Variants in MCM2 observed in about 807,000 individuals in gnomAD.
The protein encoded by MCM2 is minichromosome maintenance complex component 2.
A neutral mutation model predicts 86.4 loss-of-function variants in MCM2; 49 were observed. The observed-to-expected ratio is 0.57, with a 90% CI of 0.45 to 0.72. MCM2 has a LOEUF of 0.72. MCM2 is among the 30% of genes least tolerant of loss of function. The probability of loss-of-function intolerance (pLI) is 0.00; values close to 1 mark genes in which losing one functional copy is unlikely to be tolerated. For synonymous variants in MCM2, 475 were observed against 484.6 expected (o/e 0.98, Z 0.26); for missense variants, 1,038 against 1,259.9 (o/e 0.82, Z 2.67).
Position 127,619,036 on chromosome 3 carries a change from C to T in MCM2, c.2023C>T (p.Leu675=). The change falls in exon 13 of 16, where the codon CTG becomes TTG. Residue 675 remains leucine (L), a synonymous_variant. Transcript: ENST00000265056. ...DTVDPVQDEM[L]ARFVVGSHVR... ...TCATGGCTTATCTTAGGACGAGATG[C>T]TGGCCCGCTTCGTGGTGGGCAGCCA... 6.3e-7 allele frequency: 1 copy of T among 1,599,240 alleles called. No homozygotes were observed. The highest frequency in any genetic ancestry group is 8.5e-7 in the Non-Finnish European group (1 of 1,170,370).
Position 127,617,910 on chromosome 3 carries a change from TC to T in MCM2, c.1901-56del. Reference sequence around the variant, plus strand: ...CTTCTGCCATCAGAGCAGCCTGGGGTCCCTGAGATGGGAGGATAGGGGAATC... The same window carrying T: ...CTTCTGCCATCAGAGCAGCCTGGGGTCCTGAGATGGGAGGATAGGGGAATC... On this transcript the variant is annotated intron_variant, in intron 11 of 15. Transcript: ENST00000265056. The surrounding 1 kb of genome is among the most constrained non-coding windows in gnomAD (Gnocchi z 4.1). 1 of 1,321,562 alleles carries T rather than the reference TC, an allele frequency of 7.6e-7. No individual in the cohort carries two copies. The highest frequency in any genetic ancestry group is 1.2e-5 in the South Asian group (1 of 81,390). The allele number at this position is 1,321,562 out of a possible 1,614,324, so 81.9% of individuals were successfully genotyped here.
intron 15 of MCM2, 53 bp from the exon 16 acceptor site, chr3:127,621,610 A>C: frequency 8.2e-7 from 1 of 1,220,324 alleles, no homozygotes; most frequent in Non-Finnish European, 1.2e-6. Context: ...GGCGCTCTGG[A>C]AACAGCCTGT....
At chr3:127,604,177 C>T (rs933424071) in intron 2 of MCM2, 1 of 169,098 alleles carries the variant, frequency 5.9e-6, no homozygotes, top group African/African-American at 2.4e-5. Context: ...CCACAAAAGT[C>T]TTTTCAGTTT....
At chr3:127,604,865 C>A in intron 3 of MCM2, 31 bp from the exon 4 acceptor site, 1 of 1,590,150 alleles carries the variant, frequency 6.3e-7, no homozygotes, top group Non-Finnish European at 8.6e-7. Context: ...CTGGGGATGA[C>A]CGCAGTAGCA....
At chr3:127,605,914 TGA>T (rs945433004) in intron 4 of MCM2, among the ~76,000 whole-genome samples, 3 of 152,228 alleles carry the variant, frequency 2.0e-5, no homozygotes, top group Non-Finnish European at 2.9e-5. Flanking sequence ...GTACACTGTG[TGA>T]CATGCCCATT....
At chr3:127,603,413 C>G (rs1234011431) in intron 2 of MCM2, among the ~76,000 whole-genome samples, 1 of 152,154 alleles carries the variant, frequency 6.6e-6, no homozygotes, top group Non-Finnish European at 1.5e-5. Flanking sequence ...ACCTCTGCCT[C>G]CCTGGTTCAA....
At chr3:127,615,089 C>T (rs1417143191) in intron 8 of MCM2, among the ~76,000 whole-genome samples, 2 of 152,178 alleles carry the variant, frequency 1.3e-5, no homozygotes, top group Admixed American at 1.3e-4. Flanking sequence ...GCTGGTTTTC[C>T]TGCCTTAGTC....
chr3:127,606,926 GC>G lies in MCM2; in HGVS notation c.1101+110del. The stretch of plus-strand genomic sequence containing the variant: ...AGACCAGTGTGGGCAGCCGCAAGAA[GC>G]AAGATAGAATTGTGTGTTGGCCACA... On this transcript the variant is annotated intron_variant, in intron 6 of 15. Coordinates refer to ENST00000265056, the MANE Select transcript of MCM2 (RefSeq NM_004526.4). The surrounding 1 kb of genome is among the most constrained non-coding windows in gnomAD (Gnocchi z 4.2). 9.1e-7 allele frequency: 1 copy of G among 1,099,444 alleles called. No homozygotes were observed. Among genetic ancestry groups the G allele is most frequent in the East Asian group, 2.5e-5 (1 of 40,392 alleles). The allele number at this position is 1,099,444 out of a possible 1,614,324, so 68.1% of individuals were successfully genotyped here.
At chr3:127,614,035 G>T (rs1320701062) in intron 8 of MCM2, among the ~76,000 whole-genome samples, 1 of 152,128 alleles carries the variant, frequency 6.6e-6, no homozygotes, top group East Asian at 1.9e-4. Context: ...CCCCTTAAAG[G>T]TCCCACCTTT....
intron 8 of MCM2, among the ~76,000 whole-genome samples, chr3:127,610,573 C>G (rs2074386894): frequency 6.6e-6 from 1 of 152,182 alleles, no homozygotes; most frequent in Non-Finnish European, 1.5e-5. Context: ...AATATTCCTA[C>G]ACATGCATGG....
In MCM2 at chr3:127,604,746, C is replaced by T. The variant is rs1030281637; in HGVS notation, c.375C>T (p.Gly125=). The change falls in exon 3 of 16, where the codon GGC becomes GGT. Residue 125 remains glycine, a synonymous_variant. Transcript: ENST00000265056. ...RAMRQRDREA[G]RGLGRMRRGL... is the part of the protein sequence containing the mutation. ...TGCGGCAGCGTGACCGGGAGGCTGG[C>T]CGGGGCCTGGGCCGCATGCGCCGTG... 9.3e-6 allele frequency: 15 copies of T among 1,606,584 alleles called. No homozygotes were observed. Among genetic ancestry groups the T allele is most frequent in the African/African-American group, 1.3e-5 (1 of 74,752 alleles).
Position 127,617,437 on chromosome 3 carries a change from G to T in MCM2, c.1900+32G>T. 1.9e-6 allele frequency: 3 copies of T among 1,604,534 alleles called. No homozygotes were observed. The highest frequency in any genetic ancestry group is 2.6e-6 in the Non-Finnish European group (3 of 1,175,984). ...CAGGCACCCTGACTGCTGGGGCTGG[G>T]GTGGGACACAGGGAGGTCCCGCCTG... On this transcript the variant is annotated intron_variant, in intron 11 of 15. Transcript: ENST00000265056. The surrounding 1 kb of genome is among the most constrained non-coding windows in gnomAD (Gnocchi z 4.1).
intron 4 of MCM2, 148 bp downstream of exon 4, chr3:127,605,304 C>T: frequency 3.0e-6 from 3 of 1,007,964 alleles, no homozygotes; most frequent in Non-Finnish European, 4.3e-6. Context: ...AGTTTTGCAT[C>T]AGGGCTCTCC....
At chr3:127,609,631 T>C (rs2074377711) in intron 8 of MCM2, among the ~76,000 whole-genome samples, 1 of 152,094 alleles carries the variant, frequency 6.6e-6, no homozygotes, top group African/African-American at 2.4e-5. Flanking sequence ...GTTTTTAGTA[T>C]AGACATCCTT....
intron 8 of MCM2, among the ~76,000 whole-genome samples, chr3:127,615,432 C>G (rs745883266): frequency 6.6e-6 from 1 of 152,162 alleles, no homozygotes; most frequent in Non-Finnish European, 1.5e-5. Context: ...ATTGCATTGA[C>G]GAGGCAGGCA....
At position 127,606,098 on chromosome 3, in the gene MCM2, C is replaced by T; in HGVS notation, c.674-20C>T. On this transcript the variant is annotated intron_variant, in intron 4 of 15. Coordinates refer to ENST00000265056, the MANE Select transcript of MCM2 (RefSeq NM_004526.4). This position sits in a 1 kb window ranked among gnomAD's most constrained non-coding sequence, Gnocchi z 4.2. ...GGCCTCATGCTTAGTTAACTCTCTTCCCACTGTGCCCCCTTCTAGAGAACC... is the reference window on the plus strand; with the variant it reads ...GGCCTCATGCTTAGTTAACTCTCTTTCCACTGTGCCCCCTTCTAGAGAACC... The T allele has an allele frequency of 6.3e-7, 1 of 1,599,410 alleles. No individual in the cohort carries two copies. Among genetic ancestry groups the T allele is most frequent in the African/African-American group, 1.3e-5 (1 of 74,748 alleles).
chr3:127,615,127 T>G (rs909981256), intron 8 of MCM2, among the ~76,000 whole-genome samples: 3 of 152,148 alleles, frequency 2.0e-5, no homozygotes, highest in Non-Finnish European at 4.4e-5. Context: ...GGCCAGTGCT[T>G]TCTGAGCTTC....
chr3:127,600,772 T>G (rs900037859), intron 2 of MCM2, among the ~76,000 whole-genome samples: 2 of 151,632 alleles, frequency 1.3e-5, no homozygotes, highest in Admixed American at 1.3e-4. Flanking sequence ...ACCCTTTCTC[T>G]TTGCTTCTCT....
rs1438720902 is a variant in MCM2, at chr3:127,606,503, G to T, written c.894-107G>T. 1 of 1,234,048 alleles carries T rather than the reference G, an allele frequency of 8.1e-7. No homozygotes were observed. The highest frequency in any genetic ancestry group is 1.2e-6 in the Non-Finnish European group (1 of 866,348). 76.4% of individuals were successfully genotyped at this position (1,234,048 alleles called of 1,614,324 possible). ...GGAGTGTGATGGGAGGGATCTTCCC[G>T]GGCTGGGGGCTGGGCCCAATTTCCA... On this transcript the variant is annotated intron_variant, in intron 5 of 15. Coordinates refer to ENST00000265056, the MANE Select transcript of MCM2 (RefSeq NM_004526.4). The surrounding 1 kb of genome is among the most constrained non-coding windows in gnomAD (Gnocchi z 4.2).
Sources: allele counts gnomAD v4.1 joint callset (sites outside exome capture counted in the v4.1 genomes callset), GRCh38; gene constraint gnomAD v4.1.1; non-coding constraint Gnocchi (gnomAD v3.1); transcripts MANE v1.5; gene names NCBI Gene and HGNC (gene_info 2026-07-23, HGNC 2026-07-21).